NAV1: variants seen among roughly 807,000 people sequenced by gnomAD.
NAV1 encodes the protein pore membrane and/or filament interacting like protein 3.
NAV1 carries 18 observed loss-of-function variants against 175.2 expected under a neutral mutation model. That is an observed-to-expected ratio of 0.10 (90% CI 0.07 to 0.15). The LOEUF is 0.15. NAV1 is among the 10% of genes least tolerant of loss of function. The probability of loss-of-function intolerance (pLI) is 1.00; values close to 1 mark genes in which losing one functional copy is unlikely to be tolerated. For missense variants in NAV1, 1,731 were observed against 2,436.6 expected (o/e 0.71, Z 6.10); for synonymous variants, 897 against 978.7 (o/e 0.92, Z 1.56).
chr1:201,541,840 C>T (rs975031214), intron 1 of NAV1, among the ~76,000 whole-genome samples: 1 of 152,148 alleles, frequency 6.6e-6, no homozygotes, highest in African/African-American at 2.4e-5. Flanking sequence ...CCCTGTGAAC[C>T]TCTGGTATCA....
chr1:201,641,654 T>C (rs1167380632), intron 2 of NAV1, among the ~76,000 whole-genome samples: 1 of 152,194 alleles, frequency 6.6e-6, no homozygotes, highest in Non-Finnish European at 1.5e-5. Context: ...GGTAGGCATC[T>C]AAGCAGAGAA....
upstream of NAV1, among the ~76,000 whole-genome samples, chr1:201,622,602 A>G (rs895993892): frequency 1.3e-5 from 2 of 152,172 alleles, no homozygotes; most frequent in African/African-American, 4.8e-5. Context: ...GCACATTGCA[A>G]TTCACAAAGC....
chr1:201,637,180 A>T (rs1218423116), intron 2 of NAV1, among the ~76,000 whole-genome samples: 1 of 152,222 alleles, frequency 6.6e-6, no homozygotes, highest in Non-Finnish European at 1.5e-5. Flanking sequence ...CAGCCACAAA[A>T]TGGGAATATC....
chr1:201,585,002 G>T (rs549145370), intron 1 of NAV1, among the ~76,000 whole-genome samples: 3 of 152,276 alleles, frequency 2.0e-5, no homozygotes, highest in Admixed American at 6.5e-5. Flanking sequence ...AACTGACCAA[G>T]GTCCTCCCAC....
intron 2 of NAV1, among the ~76,000 whole-genome samples, chr1:201,591,092 C>T (rs556476883): frequency 6.6e-6 from 1 of 152,310 alleles, no homozygotes; most frequent in Non-Finnish European, 1.5e-5. Context: ...TGCTGAATTC[C>T]TGGCCTTTAG....
At position 201,546,346 on chromosome 1, in the gene NAV1, C is replaced by T. The variant is rs554380894; in HGVS notation, c.-144+7004C>T. Among the ~76,000 whole-genome samples, 6 of 152,342 alleles carry T rather than the reference C, an allele frequency of 3.9e-5. No individual in the cohort carries two copies. In the South Asian group the frequency reaches 1.2e-3, roughly 32 times the overall value. On this transcript the variant is annotated intron_variant, in intron 1 of 33. Transcript: ENST00000685211. ...AGGTGTCAGCCACACTTACCCCTAC[C>T]TCACTGGGTGAGTCTGTGGAAGCTG...
At chr1:201,567,242 C>T (rs1378164858) in intron 1 of NAV1, among the ~76,000 whole-genome samples, 1 of 152,216 alleles carries the variant, frequency 6.6e-6, no homozygotes, top group African/African-American at 2.4e-5. Context: ...AACATCCCCA[C>T]CCTCTTCATG....
At chr1:201,596,256 C>G (rs1303635436) in intron 2 of NAV1, among the ~76,000 whole-genome samples, 1 of 152,250 alleles carries the variant, frequency 6.6e-6, no homozygotes, top group East Asian at 1.9e-4. Flanking sequence ...CACCTGTAGA[C>G]CCCATCTCTC....
At chr1:201,639,622 T>C (rs1057074376) in intron 2 of NAV1, among the ~76,000 whole-genome samples, 2 of 152,144 alleles carry the variant, frequency 1.3e-5, no homozygotes, top group Non-Finnish European at 2.9e-5. Context: ...TGAGAAACCC[T>C]TGGCTGAAGG....
intron 1 of NAV1, among the ~76,000 whole-genome samples, chr1:201,659,567 CTA>C (rs1354194382): frequency 6.6e-6 from 1 of 152,194 alleles, no homozygotes; most frequent in East Asian, 1.9e-4. Flanking sequence ...CTGCAGTGAG[CTA>C]TGATTGGGCC....
At chr1:201,791,450 C>T (rs61821733) in intron 13 of NAV1, 8 of 150,822 alleles carry the variant, frequency 5.3e-5, no homozygotes, top group Admixed American at 5.3e-4. Flanking sequence ...AATGAAGCCA[C>T]CTCCTCTAAC....
At chr1:201,797,704 A>T (rs952980863) in intron 15 of NAV1, 3 of 152,202 alleles carry the variant, frequency 2.0e-5, no homozygotes, top group Admixed American at 2.0e-4. Flanking sequence ...TCAGCATATG[A>T]ACCTTGTACT....
rs767971322 is a variant in NAV1 at position 201,812,426 on chromosome 1, T to C, written c.5025-39T>C. On this transcript the variant is annotated intron_variant, in intron 26 of 29. Transcript: ENST00000367296. This position sits in a 1 kb window ranked among gnomAD's most constrained non-coding sequence, Gnocchi z 4.6. The stretch of plus-strand genomic sequence containing the variant: ...GGGCTGAACCCTGACAATGTCCCCA[T>C]TGCCACTCTGACCCCACTTTCCCCA... 1.7e-5 allele frequency: 28 copies of C among 1,602,818 alleles called. 1 individual carries two copies. The highest frequency in any genetic ancestry group is 2.0e-5 in the Non-Finnish European group (24 of 1,171,568).
At chr1:201,716,117 G>A (rs528522826) in intron 2 of NAV1, among the ~76,000 whole-genome samples, 1 of 152,300 alleles carries the variant, frequency 6.6e-6, no homozygotes, top group Non-Finnish European at 1.5e-5. Context: ...CAGATGCTGA[G>A]TGCAGCCCTC....
chr1:201,648,018 C>T (rs1669033411), upstream of NAV1, among the ~76,000 whole-genome samples: 3 of 150,834 alleles, frequency 2.0e-5, no homozygotes, highest in African/African-American at 7.3e-5. Flanking sequence ...CTACCCCCCA[C>T]TCATCCGCCC....
intron 1 of NAV1, among the ~76,000 whole-genome samples, chr1:201,702,562 G>A (rs1671471279): frequency 6.6e-6 from 1 of 152,068 alleles, no homozygotes; most frequent in Non-Finnish European, 1.5e-5. Flanking sequence ...TAGAGATGGG[G>A]TTTCATCATG....
At chr1:201,621,480 T>A (rs963582809), upstream of NAV1, among the ~76,000 whole-genome samples, 1 of 151,876 alleles carries the variant, frequency 6.6e-6, no homozygotes, top group African/African-American at 2.4e-5. Flanking sequence ...ATTACAGGCG[T>A]GCCACCACGC....
chr1:201,703,224 A>G (rs911649320), intron 1 of NAV1, among the ~76,000 whole-genome samples: 7 of 152,224 alleles, frequency 4.6e-5, no homozygotes, highest in African/African-American at 1.7e-4. Flanking sequence ...AAACATTTTC[A>G]GTAAACCTTG....
chr1:201,594,741 T>A (rs1187480931), intron 2 of NAV1, among the ~76,000 whole-genome samples: 1 of 152,156 alleles, frequency 6.6e-6, no homozygotes, highest in African/African-American at 2.4e-5. Flanking sequence ...TGGACAGCCT[T>A]GTCTGTGTAG....
Sources: gnomAD v4.1 joint callset for allele counts (sites outside exome capture counted in the v4.1 genomes callset) on GRCh38, gnomAD v4.1.1 for gene constraint, Gnocchi (gnomAD v3.1) non-coding constraint, MANE v1.5 for transcripts, NCBI Gene and HGNC (gene_info 2026-07-23, HGNC 2026-07-21) for gene names.